UGT1A6: variants seen among roughly 807,000 people sequenced by gnomAD.
UGT1A6 encodes UDP glucuronosyltransferase family 1 member A6.
UGT1A6 carries 32 observed loss-of-function variants against 44.4 expected under a neutral mutation model. The ratio of observed to expected loss-of-function variants is 0.72; its 90% CI spans 0.54 to 0.97. UGT1A6 has a LOEUF of 0.97. Ranked by LOEUF, UGT1A6 falls within the 50% of genes least tolerant of loss-of-function variation. The probability of loss-of-function intolerance (pLI) is 0.00; values close to 1 mark genes in which losing one functional copy is unlikely to be tolerated. For synonymous variants in UGT1A6, 238 were observed against 248.5 expected, an observed-to-expected ratio of 0.96 and a Z score of 0.40; for missense variants, 685 against 661.9, an observed-to-expected ratio of 1.03 and a Z score of -0.38.
chr2:233,725,192 AGAGGCAGAGGCAGAGGCAGAGGCAGAG>A (rs1559370258), intron 1 of UGT1A6, among the ~76,000 whole-genome samples: 1 of 85,390 alleles, frequency 1.2e-5, no homozygotes, highest in Admixed American at 1.0e-4. Flanking sequence ...AGGCAGAGGC[AGAGGCAGAGGCAGAGGCAGAGGCAGAG>A]GAGGCAGAGG....
rs746308513 is a variant in UGT1A6 at position 233,693,622 on chromosome 2, CCAA to C, written c.620_622del (p.Gln207del). ...AGTTTTCAGACCACATGACTTTTTCCCAACGAGTGGCCAACTTCCTTGTTAATT... is the reference window on the plus strand; with the variant it reads ...AGTTTTCAGACCACATGACTTTTTCCCGAGTGGCCAACTTCCTTGTTAATT... On this transcript the variant is annotated inframe_deletion, in exon 1 of 5. Transcript: ENST00000305139. 6 of 1,614,072 alleles carry C rather than the reference CCAA, an allele frequency of 3.7e-6. No individual in the cohort carries two copies. The highest frequency in any genetic ancestry group is 1.3e-5 in the African/African-American group (1 of 74,924).
At chr2:233,755,366 T>C in intron 1 of UGT1A6, 1 of 363,028 alleles carries the variant, frequency 2.8e-6, no homozygotes, top group East Asian at 7.5e-5. Context: ...CTGGGCCGCC[T>C]GGAGGGCCGC....
At chr2:233,692,262 T>G (rs1402145203), upstream of UGT1A6, 1 of 152,496 alleles carries the variant, frequency 6.6e-6, no homozygotes, top group East Asian at 1.9e-4. Flanking sequence ...TCTTGTTCTT[T>G]GTACTTTTTC....
chr2:233,719,979 C>T (rs2076818736), intron 1 of UGT1A6, among the ~76,000 whole-genome samples: 1 of 152,162 alleles, frequency 6.6e-6, no homozygotes, highest in Non-Finnish European at 1.5e-5. Flanking sequence ...TTCAGCTCGG[C>T]AGGATCAGGG....
chr2:233,760,170 G>C (rs1168690539), intron 1 of UGT1A6: 1 of 1,531,450 alleles, frequency 6.5e-7, no homozygotes, highest in Non-Finnish European at 8.8e-7. Context: ...TTTGTGGACT[G>C]ACAGCTTTTT....
chr2:233,713,404 T>A, intron 1 of UGT1A6: 2 of 1,614,162 alleles, frequency 1.2e-6, no homozygotes, highest in Non-Finnish European at 1.7e-6. Context: ...GAGGCCCTGA[T>A]CAGGCACCTG....
chr2:233,729,149 C>T, intron 1 of UGT1A6: 2 of 1,613,488 alleles, frequency 1.2e-6, no homozygotes, highest in Non-Finnish European at 1.7e-6. Flanking sequence ...CTCCAGGTTC[C>T]CCTGCCGTGG....
chr2:233,724,310 G>C (rs1212736933), intron 1 of UGT1A6, among the ~76,000 whole-genome samples: 1 of 141,058 alleles, frequency 7.1e-6, no homozygotes, highest in African/African-American at 2.6e-5. Context: ...CCTCCCTCCC[G>C]GACGGGGCGG....
chr2:233,757,244 TG>T (rs1006811310), intron 1 of UGT1A6, among the ~76,000 whole-genome samples: 12 of 99,552 alleles, frequency 1.2e-4, no homozygotes, highest in African/African-American at 4.8e-4. Context: ...GGTGGTGAGG[TG>T]GGGTTATTCA....
chr2:233,715,540 GGGA>G, intron 1 of UGT1A6, among the ~76,000 whole-genome samples: 1 of 152,104 alleles, frequency 6.6e-6, no homozygotes. Flanking sequence ...GGGAGACCGA[GGGA>G]GGAGGATTGC....
chr2:233,704,256 C>CT (rs59925871), intron 1 of UGT1A6, among the ~76,000 whole-genome samples: 17,865 of 123,502 alleles, frequency 0.14, 1,649 homozygotes, highest in East Asian at 0.25. Flanking sequence ...GCCTTTATTG[C>CT]TTTTTTTTTT....
At chr2:233,737,382 C>T (rs751071024) in intron 1 of UGT1A6, among the ~76,000 whole-genome samples, 21 of 152,224 alleles carry the variant, frequency 1.4e-4, no homozygotes, top group Non-Finnish European at 2.6e-4. Flanking sequence ...GAGAGAATCT[C>T]CTTGTCTGCC....
At chr2:233,760,846 C>G (rs760019185) in intron 1 of UGT1A6, 2 of 1,613,970 alleles carry the variant, frequency 1.2e-6, no homozygotes, top group South Asian at 2.2e-5. Context: ...TACCCAGTGC[C>G]CCAACCCATT....
At chr2:233,709,981 A>G (rs770684245) in intron 1 of UGT1A6, among the ~76,000 whole-genome samples, 8 of 152,180 alleles carry the variant, frequency 5.3e-5, no homozygotes, top group Non-Finnish European at 1.2e-4. Flanking sequence ...CTAGAGTTTC[A>G]TCTGAATGGA....
At chr2:233,729,544 C>T (rs2077877182) in intron 1 of UGT1A6, 24 of 1,614,178 alleles carry the variant, frequency 1.5e-5, no homozygotes, top group Non-Finnish European at 1.9e-5. Context: ...CCTGATCAGG[C>T]ACCTGAATGC....
At chr2:233,716,855 C>T (rs1330828903) in intron 1 of UGT1A6, among the ~76,000 whole-genome samples, 6 of 152,192 alleles carry the variant, frequency 3.9e-5, no homozygotes, top group African/African-American at 1.4e-4. Context: ...ACCACATATG[C>T]TGATGGCTCC....
At chr2:233,743,983 G>A (rs1033622103) in intron 1 of UGT1A6, 34 of 1,288,222 alleles carry the variant, frequency 2.6e-5, no homozygotes, top group Middle Eastern at 4.7e-4. Flanking sequence ...GCACCCAGGC[G>A]CAGGCCCGAG....
rs1699290986 is a variant in UGT1A6 at position 233,766,960 on chromosome 2, A to T, written c.862-74A>T. 4.4e-6 allele frequency: 7 copies of T among 1,607,258 alleles called. No homozygotes were observed. The South Asian group carries it at 7.8e-5, about 18-fold the overall frequency. On this transcript the variant is annotated intron_variant, in intron 1 of 4. Transcript: ENST00000305139. ...CATAGTCTTAAGAGGAAGATATCTA[A>T]TTCATAACTTACTGTATGTAGTCAT...
intron 1 of UGT1A6, chr2:233,743,663 T>A (rs200311210): frequency 3.0e-5 from 41 of 1,366,854 alleles, no homozygotes; most frequent in Non-Finnish European, 3.9e-5. Context: ...CTCGAAGGGG[T>A]CCTCGAAGGG....
Sources: gnomAD v4.1 joint callset for allele counts (sites outside exome capture counted in the v4.1 genomes callset) on GRCh38, gnomAD v4.1.1 for gene constraint, MANE v1.5 for transcripts, NCBI Gene and HGNC (gene_info 2026-07-23, HGNC 2026-07-21) for gene names.